WDHD1: variants seen among roughly 807,000 people sequenced by gnomAD.
WDHD1 encodes WD repeat and HMG-box DNA-binding protein 1.
WDHD1 carries 111 observed loss-of-function variants against 135.4 expected under a neutral mutation model. That is an observed-to-expected ratio of 0.82 (90% CI 0.70 to 0.96). The LOEUF is 0.96. WDHD1 is among the 40% of genes least tolerant of loss of function. The pLI is 0.00. For missense variants in WDHD1, 1,351 were observed against 1,336.3 expected (o/e 1.01, Z -0.17); for synonymous variants, 434 against 439.0 (o/e 0.99, Z 0.14).
intron 24 of WDHD1, among the ~76,000 whole-genome samples, chr14:54,950,932 A>G (rs994244871): frequency 6.6e-6 from 1 of 152,224 alleles, no homozygotes; most frequent in African/African-American, 2.4e-5. Flanking sequence ...AGAAATAAAG[A>G]TGTTCTTTGA....
chr14:54,955,724 A>ACATCTAGT, intron 23 of WDHD1, 30 bp from the exon 24 acceptor site: 1 of 1,477,466 alleles, frequency 6.8e-7, no homozygotes. Context: ...TACTGCAATA[A>ACATCTAGT]CATCTAGTAT....
intron 11 of WDHD1, among the ~76,000 whole-genome samples, chr14:54,994,527 G>C (rs545140931): frequency 7.2e-5 from 11 of 152,126 alleles, no homozygotes; most frequent in Admixed American, 5.9e-4. Context: ...AATTTCCCAA[G>C]ATTTTTACAT....
At position 55,026,755 on chromosome 14, in the gene WDHD1, C is replaced by G. The variant is rs753236993; in HGVS notation, c.33G>C (p.Gly11=). Reference sequence around the variant, plus strand: ...AGACCTCCGTGTGTCCCTCTGTATGCCCATATCTCATTGGCTTCCGTGTGG... The same window carrying G: ...AGACCTCCGTGTGTCCCTCTGTATGGCCATATCTCATTGGCTTCCGTGTGG... MPATRKPMRY[G]HTEGHTEVCF... is the part of the protein sequence containing the mutation. Residue 11 remains glycine (G), a synonymous_variant, in exon 2 of 26, where the codon GGG becomes GGC. Transcript: ENST00000360586. The G allele has an allele frequency of 1.9e-6, 3 of 1,614,206 alleles. No homozygotes were observed. Among genetic ancestry groups the G allele is most frequent in the Admixed American group, 3.3e-5 (2 of 60,026 alleles).
intron 13 of WDHD1, among the ~76,000 whole-genome samples, chr14:54,988,769 A>G (rs549738130): frequency 3.1e-4 from 47 of 151,934 alleles, no homozygotes; most frequent in African/African-American, 1.0e-3. Flanking sequence ...CAATGTAAAA[A>G]AAAAATCCCA....
intron 3 of WDHD1, among the ~76,000 whole-genome samples, chr14:55,010,957 T>C (rs572875308): frequency 2.1e-4 from 32 of 152,292 alleles, no homozygotes; most frequent in Admixed American, 5.2e-4. Flanking sequence ...GCAAGGAATG[T>C]TGAGGATTGC....
intron 25 of WDHD1, among the ~76,000 whole-genome samples, chr14:54,943,500 G>C (rs1409142712): frequency 6.6e-6 from 1 of 152,016 alleles, no homozygotes; most frequent in African/African-American, 2.4e-5. Context: ...GCTCAAGTAA[G>C]TGATCTTCCC....
chr14:54,949,105 C>T (rs182239534), intron 24 of WDHD1, among the ~76,000 whole-genome samples: 4 of 152,092 alleles, frequency 2.6e-5, no homozygotes, highest in Admixed American at 1.3e-4. Flanking sequence ...CTCTCCCCCC[C>T]CAAAGGAACG....
chr14:54,948,417 C>T (rs774464778), intron 24 of WDHD1, among the ~76,000 whole-genome samples: 2 of 152,212 alleles, frequency 1.3e-5, no homozygotes, highest in Non-Finnish European at 2.9e-5. Flanking sequence ...CCACTCCTGG[C>T]TCAGAGGGTC....
At chr14:55,013,395 A>AT (rs2042206146) in intron 3 of WDHD1, 90 bp downstream of exon 3, 12 of 827,302 alleles carry the variant, frequency 1.5e-5, no homozygotes, top group Non-Finnish European at 2.4e-5. Flanking sequence ...AAACAAAGGT[A>AT]TATCTATATT....
At chr14:54,980,008 T>G (rs1429306293) in intron 16 of WDHD1, among the ~76,000 whole-genome samples, 2 of 152,238 alleles carry the variant, frequency 1.3e-5, no homozygotes, top group Non-Finnish European at 2.9e-5. Context: ...TCACAGAGAA[T>G]GTACCAGCCA....
chr14:55,000,933 A>G lies in WDHD1; in HGVS notation c.753T>C (p.Asn251=), dbSNP rs747479515. The G allele has an allele frequency of 1.3e-6, 2 of 1,596,398 alleles. No individual in the cohort carries two copies. Among genetic ancestry groups the G allele is most frequent in the African/African-American group, 1.3e-5 (1 of 74,114 alleles). The part of the protein sequence containing the change: ...CGQYLAAGSI[N]GLIIVWNVET... Reference sequence around the variant, plus strand: ...CCACATTCCAAACTATGATTAGACCATTAATACTACCTGCAGCTAAATATT... The same window carrying G: ...CCACATTCCAAACTATGATTAGACCGTTAATACTACCTGCAGCTAAATATT... Residue 251 remains asparagine (N), a synonymous_variant, in exon 9 of 26, where the codon AAT becomes AAC. Transcript: ENST00000360586.
intron 6 of WDHD1, 49 bp downstream of exon 6, chr14:55,008,267 T>G: frequency 6.4e-7 from 1 of 1,573,864 alleles, no homozygotes; most frequent in South Asian, 1.1e-5. Flanking sequence ...ATATAACAAT[T>G]TATTACAGAA....
rs759532090 is a variant in WDHD1, at chr14:55,000,976, G to A, written c.710C>T (p.Thr237Ile). Residue 237 changes from threonine (T) to isoleucine (I), a missense_variant, in exon 9 of 26, where the codon ACC becomes ATC. Physicochemically the swap from Thr to Ile is moderately conservative, Grantham distance 89 (BLOSUM62 -1). Transcript: ENST00000360586. The stretch of plus-strand genomic sequence containing the variant: ...TAAATATTGCCCACAGGGAGACCAG[G>A]TTACTATATTGAGGGTCTGTAAAGA... Reference protein sequence around the residue: ...NFISQTLNIVTWSPCGQYLAA... With the variant: ...NFISQTLNIVIWSPCGQYLAA... 2.5e-6 allele frequency: 4 copies of A among 1,576,342 alleles called. No individual in the cohort carries two copies. Among genetic ancestry groups the A allele is most frequent in the East Asian group, 4.7e-5 (2 of 43,010 alleles).
At chr14:55,005,439 G>C in intron 7 of WDHD1, 1 of 569,986 alleles carries the variant, frequency 1.8e-6, no homozygotes, top group South Asian at 1.4e-5. Context: ...ATGGCCTTCG[G>C]ACCAGTATTC....
intron 7 of WDHD1, chr14:55,005,118 C>T (rs1205157436): frequency 9.4e-6 from 5 of 533,292 alleles, no homozygotes; most frequent in African/African-American, 1.9e-5. Context: ...CATGACCTCC[C>T]ACAGGAAATG....
chr14:54,986,091 A>G (rs2041690213), intron 14 of WDHD1, among the ~76,000 whole-genome samples: 1 of 152,240 alleles, frequency 6.6e-6, no homozygotes, highest in African/African-American at 2.4e-5. Context: ...TAAAAGTCAT[A>G]GACACTGAGA....
intron 7 of WDHD1, among the ~76,000 whole-genome samples, chr14:55,004,058 T>C (rs1340129794): frequency 6.6e-6 from 1 of 152,240 alleles, no homozygotes; most frequent in Non-Finnish European, 1.5e-5. Context: ...TTACTTTTTA[T>C]ACAATCTACT....
Position 54,989,102 on chromosome 14 carries a change from A to C in WDHD1, c.1452T>G (p.Thr484=). The part of the protein sequence containing the change: ...SIHHATHLSN[T]LNYTIADLSH... The stretch of plus-strand genomic sequence containing the variant: ...AAAGATCTGCTATTGTATAATTCAA[A>C]GTGTTTGATAAGTGTGTTGCATGGT... Residue 484 remains threonine, a synonymous_variant, in exon 13 of 26, where the codon ACT becomes ACG. Coordinates refer to ENST00000360586, the MANE Select transcript of WDHD1 (RefSeq NM_007086.4). 6.2e-7 allele frequency: 1 copy of C among 1,613,870 alleles called. No individual in the cohort carries two copies. The highest frequency in any genetic ancestry group is 8.5e-7 in the Non-Finnish European group (1 of 1,179,856).
intron 11 of WDHD1, among the ~76,000 whole-genome samples, chr14:54,993,899 G>T (rs562615857): frequency 6.6e-6 from 1 of 151,962 alleles, no homozygotes; most frequent in Non-Finnish European, 1.5e-5. Flanking sequence ...AAATGCTCTC[G>T]GAAGGGTCCT....
Sources: allele counts gnomAD v4.1 joint callset (sites outside exome capture counted in the v4.1 genomes callset), GRCh38; gene constraint gnomAD v4.1.1; transcripts MANE v1.5; gene names NCBI Gene and HGNC (gene_info 2026-07-23, HGNC 2026-07-21).